LZTS1: variants seen among roughly 807,000 people sequenced by gnomAD.
LZTS1 encodes the protein leucine zipper putative tumor suppressor 1.
A neutral mutation model predicts 45.8 loss-of-function variants in LZTS1; 31 were observed. The ratio of observed to expected loss-of-function variants is 0.68; its 90% CI spans 0.51 to 0.91. The LOEUF is 0.91. LZTS1 is among the 40% of genes least tolerant of loss of function. LZTS1 has a pLI of 0.00. For synonymous variants in LZTS1, 359 were observed against 357.3 expected (o/e 1.00, Z -0.05); for missense variants, 821 against 788.9 (o/e 1.04, Z -0.49).
intron 1 of LZTS1, among the ~76,000 whole-genome samples, chr8:20,265,130 G>A (rs758143343): frequency 6.6e-6 from 1 of 152,164 alleles, no homozygotes; most frequent in Non-Finnish European, 1.5e-5. Flanking sequence ...GTAGGTTGCC[G>A]GGCAGGGATC....
chr8:20,262,760 G>A (rs907522244), intron 1 of LZTS1, among the ~76,000 whole-genome samples: 4 of 152,138 alleles, frequency 2.6e-5, no homozygotes, highest in Admixed American at 2.6e-4. Flanking sequence ...GAGCAATGCT[G>A]TTAAACATCC....
At chr8:20,258,553 G>T (rs1314677005) in intron 1 of LZTS1, among the ~76,000 whole-genome samples, 1 of 152,164 alleles carries the variant, frequency 6.6e-6, no homozygotes, top group Non-Finnish European at 1.5e-5. Flanking sequence ...ACTTCGTTGT[G>T]TAAGTTTAAT....
intron 1 of LZTS1, among the ~76,000 whole-genome samples, chr8:20,260,638 G>A (rs1447293016): frequency 6.6e-6 from 1 of 152,224 alleles, no homozygotes; most frequent in Non-Finnish European, 1.5e-5. Context: ...CTCTAGCCGA[G>A]CTTCATTTCC....
rs1800056016 is a variant in LZTS1 at position 20,254,944 on chromosome 8, G to T, written c.238C>A (p.Pro80Thr). Residue 80 changes from proline (P) to threonine (T), a missense_variant, in exon 2 of 4, where the codon CCA becomes ACA. Physicochemically the swap from Pro to Thr is conservative, Grantham distance 38. Transcript: ENST00000381569. Reference sequence around the variant, plus strand: ...CCGCTGGACAGTGCCGTGTAATCTGGGTGATGGGAGCCCCGGGCTTTCTGG... The same window carrying T: ...CCGCTGGACAGTGCCGTGTAATCTGTGTGATGGGAGCCCCGGGCTTTCTGG... ...VSQKARGSHH[P>T]DYTALSSGDL... The T allele has an allele frequency of 1.2e-6, 2 of 1,614,070 alleles. No individual in the cohort carries two copies. The highest frequency in any genetic ancestry group is 2.2e-5 in the East Asian group (1 of 44,888).
At chr8:20,251,919 G>A (rs1799928251) in intron 3 of LZTS1, among the ~76,000 whole-genome samples, 1 of 152,118 alleles carries the variant, frequency 6.6e-6, no homozygotes, top group South Asian at 2.1e-4. Flanking sequence ...TGCCAGCAGT[G>A]GGCAAGTTAA....
intron 1 of LZTS1, among the ~76,000 whole-genome samples, chr8:20,265,676 CAAAAAAAAAAAAA>C (rs71222140): frequency 4.7e-5 from 2 of 42,996 alleles, no homozygotes; most frequent in Admixed American, 4.0e-4. Flanking sequence ...GACTCTGTCT[CAAAAAAAAAAAAA>C]AAAAAAAAAA....
At chr8:20,257,558 C>T (rs904709155) in intron 1 of LZTS1, among the ~76,000 whole-genome samples, 4 of 152,054 alleles carry the variant, frequency 2.6e-5, no homozygotes, top group Admixed American at 1.3e-4. Context: ...AGTACCCAGC[C>T]GACTTGGTGT....
chr8:20,300,749 T>C (rs1563905758), intron 1 of LZTS1, among the ~76,000 whole-genome samples: 1 of 152,248 alleles, frequency 6.6e-6, no homozygotes, highest in South Asian at 2.1e-4. Context: ...TGGTAGGGAC[T>C]CTGAGGAAGG....
chr8:20,279,394 C>T (rs1250095310), intron 1 of LZTS1, among the ~76,000 whole-genome samples: 1 of 152,142 alleles, frequency 6.6e-6, no homozygotes, highest in East Asian at 1.9e-4. Context: ...TGTTAGTGGG[C>T]TGGTGACAGG....
At chr8:20,251,615 C>G (rs748627744) in intron 3 of LZTS1, among the ~76,000 whole-genome samples, 1 of 152,104 alleles carries the variant, frequency 6.6e-6, no homozygotes, top group East Asian at 1.9e-4. Flanking sequence ...CATCATTGCT[C>G]TTGGCCAAAT....
chr8:20,290,648 C>T (rs1800885149), intron 1 of LZTS1, among the ~76,000 whole-genome samples: 1 of 152,222 alleles, frequency 6.6e-6, no homozygotes, highest in East Asian at 1.9e-4. Flanking sequence ...CTGCATTTTC[C>T]TATGTGAGAC....
chr8:20,261,254 C>A (rs2128894300), intron 1 of LZTS1, among the ~76,000 whole-genome samples: 1 of 152,226 alleles, frequency 6.6e-6, no homozygotes. Context: ...TACGTGAGCT[C>A]CTACAGAAGG....
intron 1 of LZTS1, among the ~76,000 whole-genome samples, chr8:20,257,970 G>T (rs573373220): frequency 8.7e-5 from 6 of 69,358 alleles, no homozygotes; most frequent in African/African-American, 3.3e-4. Context: ...CACCGGACTG[G>T]GCACATTTTT....
At chr8:20,275,368 G>A (rs184190722) in intron 1 of LZTS1, among the ~76,000 whole-genome samples, 1,821 of 146,040 alleles carry the variant, frequency 0.012, 26 homozygotes, top group Non-Finnish European at 0.018. Context: ...TCGCGCCACT[G>A]CACTCCAGCC....
At chr8:20,273,779 T>TATA (rs150870996) in intron 1 of LZTS1, among the ~76,000 whole-genome samples, 27 of 141,030 alleles carry the variant, frequency 1.9e-4, no homozygotes, top group African/African-American at 3.8e-4. Context: ...GTTATATTTG[T>TATA]TTTTTTTTTT....
At chr8:20,284,977 G>T (rs185799775) in intron 1 of LZTS1, among the ~76,000 whole-genome samples, 185 of 152,294 alleles carry the variant, frequency 1.2e-3, no homozygotes, top group Admixed American at 4.2e-3. Context: ...CTCATGGGGA[G>T]AACTCGGCCG....
chr8:20,251,098 A>AATACAT (rs1367635822), intron 3 of LZTS1, among the ~76,000 whole-genome samples: 26 of 41,392 alleles, frequency 6.3e-4, no homozygotes, highest in African/African-American at 1.5e-3. Context: ...CCTGAGGGCT[A>AATACAT]ATATATATAT....
Position 20,266,691 on chromosome 8 carries a change from A to AAG in LZTS1, c.-134-11378_-134-11377dup, listed in dbSNP as rs1181021520. Among the ~76,000 whole-genome samples the AAG allele has an allele frequency of 2.5e-4, 38 of 152,368 alleles. No individual in the cohort carries two copies. In the East Asian group the frequency reaches 7.1e-3, roughly 29 times the overall value. Reference sequence around the variant, plus strand: ...TACACCTAAACAAAAAGGGTTTAAAAAGCAGCATGAATTTAACCAAAAATG... The same window carrying AAG: ...TACACCTAAACAAAAAGGGTTTAAAAAGAGCAGCATGAATTTAACCAAAAATG... On this transcript the variant is annotated intron_variant, in intron 1 of 3. Transcript: ENST00000381569.
At chr8:20,288,861 A>G (rs906364060) in intron 1 of LZTS1, among the ~76,000 whole-genome samples, 1 of 151,568 alleles carries the variant, frequency 6.6e-6, no homozygotes, top group African/African-American at 2.4e-5. Flanking sequence ...TTGGGCCACT[A>G]CTTCCATTTC....
Sources: gnomAD v4.1 joint callset for allele counts (sites outside exome capture counted in the v4.1 genomes callset) on GRCh38, gnomAD v4.1.1 for gene constraint, MANE v1.5 for transcripts, NCBI Gene and HGNC (gene_info 2026-07-23, HGNC 2026-07-21) for gene names.